The following KIAA0513 variants were observed in gnomAD, a reference collection of about 807,000 sequenced individuals.
KIAA0513 encodes KIAA0513, also known as uncharacterized protein KIAA0513.
KIAA0513 carries 39 observed loss-of-function variants against 56.5 expected under a neutral mutation model. That is an observed-to-expected ratio of 0.69 (90% CI 0.53 to 0.90). KIAA0513 has a LOEUF of 0.90. KIAA0513 is among the 40% of genes least tolerant of loss of function. The probability of loss-of-function intolerance (pLI) is 0.00; values close to 1 mark genes in which losing one functional copy is unlikely to be tolerated. For missense variants in KIAA0513, 591 were observed against 535.2 expected (o/e 1.10, Z -1.03); for synonymous variants, 268 against 215.6 (o/e 1.24, Z -2.13).
At position 85,091,317 on chromosome 16, in the gene KIAA0513, G is replaced by A. The variant is rs1385391700; in HGVS notation, c.*2992G>A. The A allele has an allele frequency of 2.0e-5, 3 of 152,256 alleles. No homozygotes were observed. Among genetic ancestry groups the A allele is most frequent in the Non-Finnish European group, 4.4e-5 (3 of 68,042 alleles). 9.4% of individuals were successfully genotyped at this position (152,256 alleles called of 1,614,324 possible). A position where few individuals can be genotyped will look rare whatever the true frequency, so the allele number is the denominator to read the frequency against. On this transcript the variant is annotated 3_prime_UTR_variant, in exon 13 of 13. Coordinates refer to ENST00000683363, the MANE Select transcript of KIAA0513 (RefSeq NM_001388359.1). ...CAGTTTTAGCAACATTGATGTCTAA[G>A]AGGGGCCGTGGTAATAGATTGCATC...
At chr16:85,059,972 G>GT (rs973273472) in intron 1 of KIAA0513, among the ~76,000 whole-genome samples, 1 of 152,104 alleles carries the variant, frequency 6.6e-6, no homozygotes, top group African/African-American at 2.4e-5. Context: ...TGTGTGTTTT[G>GT]TTTTTTGAGA....
intron 1 of KIAA0513, among the ~76,000 whole-genome samples, chr16:85,049,337 G>T (rs548637147): frequency 5.9e-5 from 9 of 152,362 alleles, no homozygotes; most frequent in South Asian, 2.1e-4. Context: ...CATGGGGCCA[G>T]CGGGAGCTGA....
chr16:85,064,570 G>GT (rs2073451908), intron 1 of KIAA0513, among the ~76,000 whole-genome samples: 1 of 152,180 alleles, frequency 6.6e-6, no homozygotes, highest in African/African-American at 2.4e-5. Flanking sequence ...TATTTAGATA[G>GT]TTTTTAAATT....
At chr16:85,059,067 A>T (rs1028606877) in intron 1 of KIAA0513, among the ~76,000 whole-genome samples, 3 of 152,218 alleles carry the variant, frequency 2.0e-5, no homozygotes, top group African/African-American at 7.2e-5. Context: ...CACACATCTA[A>T]AAGGACATTG....
At chr16:85,037,264 C>G (rs1421763229) in intron 1 of KIAA0513, among the ~76,000 whole-genome samples, 1 of 151,818 alleles carries the variant, frequency 6.6e-6, no homozygotes, top group Non-Finnish European at 1.5e-5. Context: ...GACCAATGAG[C>G]TAGGGGAAAA....
At chr16:85,086,867 C>A (rs2073815310) in intron 11 of KIAA0513, 143 bp downstream of exon 11, 1 of 869,360 alleles carries the variant, frequency 1.2e-6, no homozygotes, top group South Asian at 1.7e-5. Context: ...CATGCCAGCT[C>A]ATAATTAATC....
intron 4 of KIAA0513, among the ~76,000 whole-genome samples, chr16:85,074,954 G>C (rs1454171410): frequency 6.6e-6 from 1 of 151,542 alleles, no homozygotes; most frequent in African/African-American, 2.4e-5. Context: ...CGTTGGGGAG[G>C]GAGGGGATTA....
chr16:85,054,611 G>T (rs1462459551), intron 1 of KIAA0513, among the ~76,000 whole-genome samples: 1 of 151,590 alleles, frequency 6.6e-6, no homozygotes, highest in Non-Finnish European at 1.5e-5. Flanking sequence ...TGTATTTTTA[G>T]TAGAGATGGG....
In KIAA0513 at chr16:85,077,427, A is replaced by G; in HGVS notation, c.577A>G (p.Lys193Glu). ...TCTTGTTCCCTCTCTCATCCAAGGA[A>G]AACCACAGCTGCTGCCCCCGGAGTC... ...TMCFTYYHIG[K>E]PQLLPPESRE... is the part of the protein sequence containing the mutation. The change falls in exon 6 of 13, where the codon AAA becomes GAA. Residue 193 changes from lysine (K) to glutamate (E), a missense_variant and splice_region_variant. Transcript: ENST00000683363. 3 of 1,613,958 alleles carry G rather than the reference A, an allele frequency of 1.9e-6. No homozygotes were observed. Among genetic ancestry groups the G allele is most frequent in the Non-Finnish European group, 2.5e-6 (3 of 1,179,946 alleles).
At chr16:85,047,779 C>G (rs922222467) in intron 1 of KIAA0513, among the ~76,000 whole-genome samples, 6 of 152,222 alleles carry the variant, frequency 3.9e-5, no homozygotes, top group African/African-American at 7.2e-5. Context: ...CTCTTGCTCG[C>G]CTCTGGATAT....
chr16:85,046,088 A>G (rs1005684772), intron 1 of KIAA0513, among the ~76,000 whole-genome samples: 2 of 152,282 alleles, frequency 1.3e-5, no homozygotes, highest in South Asian at 4.1e-4. Flanking sequence ...GGCTTTGCAC[A>G]TTGAGGGAGC....
At chr16:85,042,838 C>T (rs1034194476) in intron 1 of KIAA0513, among the ~76,000 whole-genome samples, 2 of 152,276 alleles carry the variant, frequency 1.3e-5, no homozygotes, top group Admixed American at 6.5e-5. Flanking sequence ...CAGGCCTCGC[C>T]GTGGCACTCA....
intron 10 of KIAA0513, 80 bp downstream of exon 10, chr16:85,082,673 T>C (rs978244498): frequency 2.1e-6 from 3 of 1,406,314 alleles, no homozygotes; most frequent in South Asian, 2.4e-5. Context: ...GGCTGTGCAC[T>C]GTGCTGAGCT....
rs201632176 is a variant in KIAA0513, at chr16:85,081,273, G to T, written c.903-42G>T. On this transcript the variant is annotated intron_variant, in intron 8 of 12. Transcript: ENST00000683363. This position sits in a 1 kb window ranked among gnomAD's most constrained non-coding sequence, Gnocchi z 4.4. ...GGGGCCCACAACCCGTGTCCTCCCCGCCTCCCCTTGGAGAGAGTGTGACTG... is the reference window on the plus strand; with the variant it reads ...GGGGCCCACAACCCGTGTCCTCCCCTCCTCCCCTTGGAGAGAGTGTGACTG... 4 of 1,590,726 alleles carry T rather than the reference G, an allele frequency of 2.5e-6. No individual in the cohort carries two copies. The East Asian group carries it at 8.9e-5, about 36-fold the overall frequency.
chr16:85,077,401 G>A (rs766092383), intron 5 of KIAA0513, 24 bp from the exon 6 acceptor site: 328 of 1,611,936 alleles, frequency 2.0e-4, no homozygotes, highest in South Asian at 2.6e-4. Flanking sequence ...CACTGGCCTC[G>A]TCTTGTTCCC....
At chr16:85,079,914 G>A (rs184723937) in intron 8 of KIAA0513, among the ~76,000 whole-genome samples, 23 of 152,184 alleles carry the variant, frequency 1.5e-4, no homozygotes, top group Admixed American at 5.2e-4. Flanking sequence ...GCAGATGATG[G>A]TCGTGCTGCG....
At chr16:85,073,597 C>A (rs1388778592) in intron 4 of KIAA0513, among the ~76,000 whole-genome samples, 3 of 152,230 alleles carry the variant, frequency 2.0e-5, no homozygotes, top group African/African-American at 7.2e-5. Context: ...TTCTCAGGAG[C>A]ATGACTCTCT....
intron 1 of KIAA0513, among the ~76,000 whole-genome samples, chr16:85,030,685 A>G (rs2143822950): frequency 6.6e-6 from 1 of 151,842 alleles, no homozygotes; most frequent in African/African-American, 2.4e-5. Context: ...CGGAGGTTGC[A>G]GTGAGCCTAG....
intron 1 of KIAA0513, among the ~76,000 whole-genome samples, chr16:85,039,404 G>A (rs2073077083): frequency 1.3e-5 from 2 of 152,226 alleles, no homozygotes. Context: ...CTGGGATGAA[G>A]TGATCCTCCT....
Sources: allele counts gnomAD v4.1 joint callset (sites outside exome capture counted in the v4.1 genomes callset), GRCh38; gene constraint gnomAD v4.1.1; non-coding constraint Gnocchi (gnomAD v3.1); transcripts MANE v1.5; gene names NCBI Gene and HGNC (gene_info 2026-07-23, HGNC 2026-07-21).